The following COL4A4 variants were observed in gnomAD, a reference collection of about 807,000 sequenced individuals.
COL4A4 encodes the protein collagen type IV alpha 4 chain, also known as collagen alpha-4(IV) chain.
COL4A4 carries 105 observed loss-of-function variants against 192.9 expected under a neutral mutation model. That is an observed-to-expected ratio of 0.54 (90% CI 0.46 to 0.64). The LOEUF (loss-of-function observed/expected upper bound fraction) is 0.64. Among genes scored for constraint, COL4A4 ranks in the 30% least tolerant of loss-of-function variants. COL4A4 has a pLI of 0.00. For synonymous variants in COL4A4, 762 were observed against 769.9 expected (o/e 0.99, Z 0.17); for missense variants, 1,967 against 2,169.3 (o/e 0.91, Z 1.85).
In COL4A4 at chr2:227,082,141, C is replaced by T. The variant is rs1261519406; in HGVS notation, c.1670G>A (p.Gly557Asp). 6.2e-7 allele frequency: 1 copy of T among 1,614,176 alleles called. No individual in the cohort carries two copies. The change falls in exon 23 of 48, where the codon GGT (glycine) becomes GAT (aspartate). Residue 557 changes from glycine to aspartate, a missense_variant. Coordinates refer to ENST00000396625, the MANE Select transcript of COL4A4 (RefSeq NM_000092.5). ...TTTAACTCTTGATACAACCATGTCA[C>T]CCTTCGCCCCTTTGTTGCCAGGTGG... Reference protein sequence around the residue: ...SGPPGNKGAKGDMVVSRVKGH... With the variant: ...SGPPGNKGAKDDMVVSRVKGH...
In COL4A4 at chr2:227,078,311, C is replaced by T. The variant is rs553517161; in HGVS notation, c.1804-234G>A. On this transcript the variant is annotated intron_variant, in intron 24 of 47. Transcript: ENST00000396625. Reference sequence around the variant, plus strand: ...AGGCTGGTGTGCAGTGGTGCTATCTCGGTTCACTGCAGCCTCCACCTCCCA... The same window carrying T: ...AGGCTGGTGTGCAGTGGTGCTATCTTGGTTCACTGCAGCCTCCACCTCCCA... Among the ~76,000 whole-genome samples the T allele has an allele frequency of 2.6e-5, 4 of 152,258 alleles. No homozygotes were observed. In the South Asian group the frequency reaches 6.2e-4, roughly 24 times the overall value.
At chr2:227,066,605 C>T (rs2150351661) in intron 25 of COL4A4, among the ~76,000 whole-genome samples, 1 of 151,300 alleles carries the variant, frequency 6.6e-6, no homozygotes, top group African/African-American at 2.4e-5. Flanking sequence ...AATTTCATAT[C>T]CAGCCAAACT....
chr2:227,041,290 AG>A (rs1970764830), intron 37 of COL4A4, among the ~76,000 whole-genome samples: 1 of 152,134 alleles, frequency 6.6e-6, no homozygotes, highest in African/African-American at 2.4e-5. Context: ...GCTTAACCAT[AG>A]GTGAAGGGAA....
chr2:227,129,705 G>A (rs1402968504), intron 4 of COL4A4, among the ~76,000 whole-genome samples: 1 of 152,052 alleles, frequency 6.6e-6, no homozygotes, highest in Non-Finnish European at 1.5e-5. Context: ...CACTGCGCCT[G>A]GCCTCTGGTA....
intron 20 of COL4A4, among the ~76,000 whole-genome samples, chr2:227,093,460 T>C (rs1313823249): frequency 1.3e-5 from 2 of 152,122 alleles, no homozygotes; most frequent in Non-Finnish European, 2.9e-5. Flanking sequence ...ATTGGCCTTT[T>C]GAGATGTCTT....
At chr2:227,012,696 G>T (rs1231243000) in intron 44 of COL4A4, among the ~76,000 whole-genome samples, 4 of 149,596 alleles carry the variant, frequency 2.7e-5, no homozygotes, top group African/African-American at 9.9e-5. Context: ...CCTTAATAAT[G>T]ATTGTTTCAA....
chr2:227,120,109 G>A (rs1018447350), intron 5 of COL4A4, among the ~76,000 whole-genome samples, 170 bp from the exon 6 acceptor site: 2 of 152,044 alleles, frequency 1.3e-5, no homozygotes, highest in African/African-American at 4.8e-5. Flanking sequence ...CAATTCTTGT[G>A]CTTTTCTTTT....
intron 46 of COL4A4, among the ~76,000 whole-genome samples, chr2:227,008,763 T>C (rs997778917): frequency 1.8e-4 from 28 of 152,286 alleles, no homozygotes; most frequent in East Asian, 5.8e-4. Flanking sequence ...AAAAGAGATA[T>C]ACCGTCAGAG....
In COL4A4 at chr2:227,010,390, A is replaced by AG. The variant is rs764752384; in HGVS notation, c.4444dup (p.Leu1482ProfsTer11). The AG allele has an allele frequency of 1.2e-6, 2 of 1,614,154 alleles. No homozygotes were observed. The highest frequency in any genetic ancestry group is 1.7e-6 in the Non-Finnish European group (2 of 1,179,974). ...CCCAGTCCAGAGCCTGGGCATGCCC[A>AG]GGGGGCAGGTGGGCTCCTGGTCCGT... is the stretch of plus-strand genomic sequence containing the variant. On this transcript the variant is annotated frameshift_variant, in exon 46 of 48. Coordinates refer to ENST00000396625, the MANE Select transcript of COL4A4 (RefSeq NM_000092.5). LOFTEE classifies it high-confidence loss of function.
chr2:226,969,194 C>T, the COL4A4 span: 1 of 152,362 alleles, frequency 6.6e-6, no homozygotes, highest in African/African-American at 2.4e-5. Flanking sequence ...GTGATAAAAA[C>T]CGAAGGCTCG....
At chr2:226,976,225 A>G in the COL4A4 span, among the ~76,000 whole-genome samples, 1 of 148,176 alleles carries the variant, frequency 6.7e-6, no homozygotes, top group East Asian at 2.0e-4. Flanking sequence ...GCTCTTGTCC[A>G]TTGTCACTTA....
chr2:226,998,592 A>G (rs910269622), downstream of COL4A4: 2 of 150,918 alleles, frequency 1.3e-5, no homozygotes, highest in African/African-American at 2.4e-5. Flanking sequence ...TTTTTTTTTC[A>G]TGGCTGCTAG....
At chr2:226,971,042 CACTT>C in the COL4A4 span, among the ~76,000 whole-genome samples, 7 of 152,184 alleles carry the variant, frequency 4.6e-5, no homozygotes, top group African/African-American at 7.2e-5. Context: ...ATTTCGTAGA[CACTT>C]AATTAAATGT....
chr2:227,114,186 G>A (rs531173319), intron 8 of COL4A4, among the ~76,000 whole-genome samples: 1 of 152,314 alleles, frequency 6.6e-6, no homozygotes, highest in South Asian at 2.1e-4. Flanking sequence ...CCTCCACTGG[G>A]GTGATTTCCC....
At chr2:227,106,439 G>T (rs1474774910) in intron 12 of COL4A4, among the ~76,000 whole-genome samples, 1 of 152,186 alleles carries the variant, frequency 6.6e-6, no homozygotes, top group Non-Finnish European at 1.5e-5. Flanking sequence ...GAATTAAAAT[G>T]TAAAAGGTCC....
chr2:227,093,891 G>A (rs2060070007), intron 20 of COL4A4, among the ~76,000 whole-genome samples: 1 of 151,888 alleles, frequency 6.6e-6, no homozygotes, highest in Non-Finnish European at 1.5e-5. Flanking sequence ...AAAAAAATTG[G>A]TATTATTTTA....
rs762822768 is a variant in COL4A4 at position 227,077,978 on chromosome 2, G to A, written c.1903C>T (p.Pro635Ser). Residue 635 changes from proline to serine, a missense_variant, in exon 25 of 48, where the codon CCT (proline) becomes TCT (serine). By Grantham distance (74) the Pro-to-Ser change is moderately conservative (BLOSUM62 -1). Coordinates refer to ENST00000396625, the MANE Select transcript of COL4A4 (RefSeq NM_000092.5). ...TGGCCTCGCTCTCCTGGTGGACCAG[G>A]AAATCCCAGTCCTGGGGGCCCCACA... ...GPVGPPGLGF[P>S]GPPGERGHPG... 6.2e-7 allele frequency: 1 copy of A among 1,613,796 alleles called. No individual in the cohort carries two copies. The highest frequency in any genetic ancestry group is 1.1e-5 in the South Asian group (1 of 91,042).
intron 46 of COL4A4, 27 bp from the exon 47 acceptor site, chr2:227,008,331 G>C (rs1315411899): frequency 1.5e-5 from 24 of 1,612,354 alleles, no homozygotes; most frequent in Non-Finnish European, 2.0e-5. Context: ...GAGACAGCTG[G>C]TGTCCAAGCA....
At chr2:226,975,173 A>G in the COL4A4 span, among the ~76,000 whole-genome samples, 6 of 152,236 alleles carry the variant, frequency 3.9e-5, no homozygotes, top group East Asian at 7.7e-4. Context: ...GTGCCCCAGA[A>G]TGATAAATGA....
Sources: gnomAD v4.1 joint callset for allele counts (sites outside exome capture counted in the v4.1 genomes callset) on GRCh38, gnomAD v4.1.1 for gene constraint, MANE v1.5 for transcripts, NCBI Gene and HGNC (gene_info 2026-07-23, HGNC 2026-07-21) for gene names.